OR8J1: variants seen among roughly 807,000 people sequenced by gnomAD.
The protein encoded by OR8J1 is olfactory receptor 8J1.
For missense variants in OR8J1, 400 were observed against 373.0 expected (o/e 1.07, Z -0.60); for synonymous variants, 157 against 144.3 (o/e 1.09, Z -0.63).
chr11:56,360,191 C>T (rs1852614113), intron 1 of OR8J1, 36 bp from the exon 2 acceptor site: 13 of 1,411,864 alleles, frequency 9.2e-6, no homozygotes, highest in Non-Finnish European at 1.2e-5. Context: ...GCAAATAATT[C>T]TTTAAAGTTT....
In OR8J1 at chr11:56,361,250, T is replaced by A; in HGVS notation, c.*53T>A. On this transcript the variant is annotated 3_prime_UTR_variant, in exon 2 of 2. Coordinates refer to ENST00000533152, the MANE Select transcript of OR8J1 (RefSeq NM_001005205.3). The stretch of plus-strand genomic sequence containing the variant: ...AGAGTTAATATAAGCTGCCATTATG[T>A]AAAAGAAAATGTAGGAAAAAGAAAA... 1.4e-6 allele frequency: 1 copy of A among 733,972 alleles called. No individual in the cohort carries two copies. The highest frequency in any genetic ancestry group is 2.0e-6 in the Non-Finnish European group (1 of 507,664). 45.5% of individuals were successfully genotyped at this position (733,972 alleles called of 1,614,324 possible).
Position 56,361,012 on chromosome 11 carries a change from CTATTCA to C in OR8J1, c.768_773del (p.Phe257_Met258del). On this transcript the variant is annotated inframe_deletion, in exon 2 of 2. Coordinates refer to ENST00000533152, the MANE Select transcript of OR8J1 (RefSeq NM_001005205.3). Reference sequence around the variant, plus strand: ...AGTCACAATTTTTTATGGGACATTGCTATTCATGTATGTGCAGCCCCGAAGTAACCA... The same window carrying C: ...AGTCACAATTTTTTATGGGACATTGCTGTATGTGCAGCCCCGAAGTAACCA... 6.7e-7 allele frequency: 1 copy of C among 1,495,666 alleles called. No homozygotes were observed. The highest frequency in any genetic ancestry group is 8.9e-7 in the Non-Finnish European group (1 of 1,128,854). 92.6% of individuals were successfully genotyped at this position (1,495,666 alleles called of 1,614,324 possible). A position where few individuals can be genotyped will look rare whatever the true frequency, so the allele number is the denominator to read the frequency against.
chr11:56,356,385 AG>A (rs1854968668), intron 1 of OR8J1, among the ~76,000 whole-genome samples: 1 of 152,248 alleles, frequency 6.6e-6, no homozygotes, highest in African/African-American at 2.4e-5. Context: ...TAAATCATAA[AG>A]CCAGTACAGC....
rs768285352 is a variant in OR8J1, at chr11:56,360,575, C to G, written c.329C>G (p.Ser110Trp). The G allele has an allele frequency of 1.9e-6, 3 of 1,613,932 alleles. No individual in the cohort carries two copies. Among genetic ancestry groups the G allele is most frequent in the South Asian group, 1.1e-5 (1 of 91,064 alleles). ...QLGGFLFFIV[S>W]EVIMLALMAY... ...GGAGGGTTCTTGTTCTTTATTGTAT[C>G]GGAGGTAATCATGCTGGCTTTGATG... Residue 110 changes from serine (S) to tryptophan (W), a missense_variant, in exon 2 of 2, where the codon TCG becomes TGG. Coordinates refer to ENST00000533152, the MANE Select transcript of OR8J1 (RefSeq NM_001005205.3).
At chr11:56,359,039 A>G (rs11828447) in intron 1 of OR8J1, among the ~76,000 whole-genome samples, 6,616 of 152,094 alleles carry the variant, frequency 0.043, 506 homozygotes, top group African/African-American at 0.15. Flanking sequence ...AAATTTAAAC[A>G]ACGCTGGGAT....
chr11:56,358,481 A>G (rs918515932), intron 1 of OR8J1, among the ~76,000 whole-genome samples: 2 of 152,156 alleles, frequency 1.3e-5, no homozygotes, highest in East Asian at 3.9e-4. Context: ...CCTATGATTC[A>G]TTAAACATCT....
rs1239550792 is a variant in OR8J1 at position 56,360,553 on chromosome 11, G to A, written c.307G>A (p.Gly103Arg). ...SFYECATQLG[G>R]FLFFIVSEVI... ...CTATGAATGTGCCACCCAACTGGGAGGGTTCTTGTTCTTTATTGTATCGGA... is the reference window on the plus strand; with the variant it reads ...CTATGAATGTGCCACCCAACTGGGAAGGTTCTTGTTCTTTATTGTATCGGA... Residue 103 changes from glycine (G) to arginine (R), a missense_variant, in exon 2 of 2, where the codon GGG (glycine) becomes AGG (arginine). Coordinates refer to ENST00000533152, the MANE Select transcript of OR8J1 (RefSeq NM_001005205.3). 6.2e-7 allele frequency: 1 copy of A among 1,614,096 alleles called. No homozygotes were observed. The highest frequency in any genetic ancestry group is 1.1e-5 in the South Asian group (1 of 91,072).
chr11:56,354,558 T>C (rs1408033792), intron 1 of OR8J1, among the ~76,000 whole-genome samples: 1 of 152,210 alleles, frequency 6.6e-6, no homozygotes, highest in East Asian at 1.9e-4. Flanking sequence ...GGCATCATTA[T>C]GTCTCATGTA....
intron 1 of OR8J1, among the ~76,000 whole-genome samples, chr11:56,359,045 G>A (rs939681615): frequency 2.0e-5 from 3 of 151,788 alleles, no homozygotes; most frequent in African/African-American, 7.3e-5. Flanking sequence ...AAACAACGCT[G>A]GGATTTTAAA....
In OR8J1 at chr11:56,360,425, A is replaced by C. The variant is rs565416465; in HGVS notation, c.179A>C (p.Tyr60Ser). 3.7e-6 allele frequency: 6 copies of C among 1,614,090 alleles called. No homozygotes were observed. In the South Asian group the frequency reaches 6.6e-5, roughly 18 times the overall value. The change falls in exon 2 of 2, where the codon TAC (tyrosine) becomes TCC (serine). Residue 60 changes from tyrosine (Y) to serine (S), a missense_variant. Physicochemically the swap from Tyr to Ser is moderately radical, Grantham distance 144. Coordinates refer to ENST00000533152, the MANE Select transcript of OR8J1 (RefSeq NM_001005205.3). ...SVDSRLQTPM[Y>S]FFLQHLALIN... is the part of the protein sequence containing the mutation. ...GACTCTCGACTTCAAACCCCCATGT[A>C]CTTTTTCCTGCAACATCTGGCTCTC...
At position 56,354,928 on chromosome 11, in the gene OR8J1, G is replaced by C. The variant is rs144966099; in HGVS notation, c.-21+603G>C. 2.4e-3 allele frequency among the ~76,000 whole-genome samples: 368 copies of C among 152,226 alleles called. 4 individuals are homozygous for C. The highest frequency in any genetic ancestry group is 8.7e-3 in the African/African-American group (360 of 41,554). On this transcript the variant is annotated intron_variant, in intron 1 of 1. Transcript: ENST00000533152. ...TTACTTCAGAAGAAATAGCAAAGAA[G>C]AACTTCCATTAGACATCAAAACAAA...
In OR8J1 at chr11:56,360,965, C is replaced by A; in HGVS notation, c.719C>A (p.Thr240Asn). The change falls in exon 2 of 2, where the codon ACC becomes AAC. Residue 240 changes from threonine (T) to asparagine (N), a missense_variant. By Grantham distance (65) the Thr-to-Asn change is moderately conservative. Transcript: ENST00000533152. ...GAAGGAAGGAAAAAAGCCTTTTCTA[C>A]CTGTGCTTCACATATGATGGCAGTC... Reference protein sequence around the residue: ...SSEGRKKAFSTCASHMMAVTI... With the variant: ...SSEGRKKAFSNCASHMMAVTI... The A allele has an allele frequency of 6.8e-7, 1 of 1,476,042 alleles. No homozygotes were observed. Among genetic ancestry groups the A allele is most frequent in the Non-Finnish European group, 9.0e-7 (1 of 1,117,226 alleles). The allele number at this position is 1,476,042 out of a possible 1,614,324, so 91.4% of individuals were successfully genotyped here.
At position 56,361,197 on chromosome 11, in the gene OR8J1, A is replaced by AC. The variant is rs1554983851; in HGVS notation, c.951_*1insC. The AC allele has an allele frequency of 3.3e-6, 4 of 1,224,008 alleles. No individual in the cohort carries two copies. In the African/African-American group the frequency reaches 4.7e-5, roughly 14 times the overall value. 75.8% of individuals were successfully genotyped at this position (1,224,008 alleles called of 1,614,324 possible). On this transcript the variant is annotated 3_prime_UTR_variant, in exon 2 of 2. Coordinates refer to ENST00000533152, the MANE Select transcript of OR8J1 (RefSeq NM_001005205.3). ...TGTGCTATTCCTTTAAAACAATGTA[A>AC]TTTTAAACAGTACAGGTAAATGAGG...
At chr11:56,355,551 C>T (rs753091759) in intron 1 of OR8J1, among the ~76,000 whole-genome samples, 1 of 152,026 alleles carries the variant, frequency 6.6e-6, no homozygotes, top group East Asian at 1.9e-4. Context: ...TCACTTGAAC[C>T]CAGGAGGCGG....
chr11:56,360,114 G>A lies in OR8J1; in HGVS notation c.-20-113G>A. 6.3e-6 allele frequency: 4 copies of A among 637,178 alleles called. No individual in the cohort carries two copies. In the South Asian group the frequency reaches 8.6e-5, roughly 14 times the overall value. The allele number at this position is 637,178 out of a possible 1,614,324, so 39.5% of individuals were successfully genotyped here. On this transcript the variant is annotated intron_variant, in intron 1 of 1. Transcript: ENST00000533152. The stretch of plus-strand genomic sequence containing the variant: ...CTAGAAGCTTGAGTTTAATAACTGA[G>A]TTAGAGTAATAAACAATTCAAAGAA...
intron 1 of OR8J1, 84 bp from the exon 2 acceptor site, chr11:56,360,143 T>C: frequency 1.2e-6 from 1 of 841,146 alleles, no homozygotes; most frequent in Non-Finnish European, 1.8e-6. Context: ...CAAAGAAATG[T>C]TATCAGGGAA....
At chr11:56,358,171 C>T (rs756550193) in intron 1 of OR8J1, 8 of 322,660 alleles carry the variant, frequency 2.5e-5, no homozygotes, top group South Asian at 5.5e-5. Context: ...TTGGGTAGCT[C>T]GAAAGAAGGC....
In OR8J1 at chr11:56,360,396, T is replaced by C; in HGVS notation, c.150T>C (p.Ser50=). 6.2e-7 allele frequency: 1 copy of C among 1,614,144 alleles called. No homozygotes were observed. Among genetic ancestry groups the C allele is most frequent in the African/African-American group, 1.3e-5 (1 of 75,026 alleles). Residue 50 remains serine, a synonymous_variant, in exon 2 of 2, where the codon AGT becomes AGC. Transcript: ENST00000533152. ...AGNLGIITLT[S]VDSRLQTPMY... Reference sequence around the variant, plus strand: ...ACCTGGGCATCATCACCCTCACCAGTGTTGACTCTCGACTTCAAACCCCCA... The same window carrying C: ...ACCTGGGCATCATCACCCTCACCAGCGTTGACTCTCGACTTCAAACCCCCA...
intron 1 of OR8J1, among the ~76,000 whole-genome samples, chr11:56,359,958 A>G (rs1852611879): frequency 6.6e-6 from 1 of 152,212 alleles, no homozygotes; most frequent in South Asian, 2.1e-4. Flanking sequence ...ATGTACTCAT[A>G]ATTCAATAAG....
Sources: allele counts gnomAD v4.1 joint callset (sites outside exome capture counted in the v4.1 genomes callset), GRCh38; gene constraint gnomAD v4.1.1; transcripts MANE v1.5; gene names NCBI Gene and HGNC (gene_info 2026-07-23, HGNC 2026-07-21).